AFG2A: variants seen among roughly 807,000 people sequenced by gnomAD.
AFG2A encodes AAA ATPase AFG2A, also known as ATPase family gene 2 protein homolog A.
the AFG2A span, among the ~76,000 whole-genome samples, chr4:123,083,548 A>G: frequency 2.0e-5 from 3 of 150,630 alleles, no homozygotes; most frequent in Non-Finnish European, 4.4e-5. Context: ...TTATAATGGT[A>G]TATAATTATT....
At chr4:123,151,704 T>G in the AFG2A span, among the ~76,000 whole-genome samples, 1 of 152,242 alleles carries the variant, frequency 6.6e-6, no homozygotes, top group South Asian at 2.1e-4. Context: ...GTTCAACCAT[T>G]GTGGAAGACA....
chr4:123,217,587 C>G, the AFG2A span, among the ~76,000 whole-genome samples: 1 of 152,178 alleles, frequency 6.6e-6, no homozygotes, highest in Non-Finnish European at 1.5e-5. Context: ...GTGAATGGTA[C>G]TCTGAAGTAT....
the AFG2A span, among the ~76,000 whole-genome samples, chr4:122,939,623 G>C: frequency 2.0e-5 from 3 of 151,110 alleles, no homozygotes; most frequent in African/African-American, 7.3e-5. Flanking sequence ...TAAAAAGCTG[G>C]TCATTTAGAA....
the AFG2A span, among the ~76,000 whole-genome samples, chr4:123,280,951 A>G: frequency 6.6e-6 from 1 of 152,162 alleles, no homozygotes; most frequent in African/African-American, 2.4e-5. Flanking sequence ...GAAACTGGCA[A>G]ATAAAGATCA....
chr4:122,971,293 G>T, the AFG2A span, among the ~76,000 whole-genome samples: 1 of 152,116 alleles, frequency 6.6e-6, no homozygotes, highest in South Asian at 2.1e-4. Context: ...TGTAGTCCCA[G>T]CTACTTGTGA....
chr4:123,223,195 C>G, the AFG2A span, among the ~76,000 whole-genome samples: 2 of 152,168 alleles, frequency 1.3e-5, no homozygotes, highest in African/African-American at 4.8e-5. Context: ...TCCTCACCAA[C>G]TTTTATTGCC....
At chr4:122,950,594 C>T in the AFG2A span, among the ~76,000 whole-genome samples, 1 of 152,232 alleles carries the variant, frequency 6.6e-6, no homozygotes, top group Non-Finnish European at 1.5e-5. Context: ...CCCGCCTCAG[C>T]CTCCCAAAGT....
At chr4:123,298,802 A>G in the AFG2A span, among the ~76,000 whole-genome samples, 1 of 152,240 alleles carries the variant, frequency 6.6e-6, no homozygotes, top group East Asian at 1.9e-4. Context: ...ACTTAATGTA[A>G]TCTTCCATTG....
chr4:123,308,090 A>G, the AFG2A span, among the ~76,000 whole-genome samples: 5 of 152,192 alleles, frequency 3.3e-5, no homozygotes, highest in Admixed American at 1.3e-4. Context: ...TTCTATGACA[A>G]TACAACAAAG....
the AFG2A span, among the ~76,000 whole-genome samples, chr4:123,010,476 C>G: frequency 6.6e-6 from 1 of 152,024 alleles, no homozygotes; most frequent in African/African-American, 2.4e-5. Flanking sequence ...TTCTTAGAGC[C>G]AGGCCAAGCA....
At chr4:123,202,021 A>G in the AFG2A span, among the ~76,000 whole-genome samples, 3 of 152,364 alleles carry the variant, frequency 2.0e-5, no homozygotes, top group East Asian at 3.9e-4. Flanking sequence ...TGAAAAATGT[A>G]ATAGGACTGC....
the AFG2A span, among the ~76,000 whole-genome samples, chr4:123,087,591 G>C: frequency 3.0e-4 from 46 of 152,276 alleles, no homozygotes; most frequent in African/African-American, 1.1e-3. Context: ...TGGTGTAGTT[G>C]CTGAAGATAA....
chr4:123,144,102 G>A, the AFG2A span, among the ~76,000 whole-genome samples: 1 of 151,778 alleles, frequency 6.6e-6, no homozygotes, highest in Non-Finnish European at 1.5e-5. Flanking sequence ...GGAAAAGGCA[G>A]TAAATGGGTA....
At chr4:123,208,850 T>A in the AFG2A span, among the ~76,000 whole-genome samples, 1 of 152,246 alleles carries the variant, frequency 6.6e-6, no homozygotes, top group Non-Finnish European at 1.5e-5. Context: ...TCTGTTTTCC[T>A]GGCATGCAAC....
chr4:123,135,177 A>G, the AFG2A span, among the ~76,000 whole-genome samples: 2 of 152,156 alleles, frequency 1.3e-5, no homozygotes, highest in African/African-American at 4.8e-5. Flanking sequence ...ATTTCAATAG[A>G]TGCAGAAAAA....
the AFG2A span, chr4:123,317,144 A>G: frequency 0.023 from 3,488 of 151,620 alleles, 70 homozygotes; most frequent in Middle Eastern, 0.058. Context: ...AGAATGGCGT[A>G]AACCCGGGAG....
the AFG2A span, among the ~76,000 whole-genome samples, chr4:122,954,329 C>G: frequency 6.6e-6 from 1 of 152,204 alleles, no homozygotes; most frequent in Admixed American, 6.5e-5. Context: ...CACCTTCTGC[C>G]CAGCTCCACT....
chr4:123,239,892 A>G, the AFG2A span, among the ~76,000 whole-genome samples: 1 of 152,228 alleles, frequency 6.6e-6, no homozygotes, highest in Non-Finnish European at 1.5e-5. Context: ...GGCAAATTGG[A>G]TAGAGTCAAG....
chr4:122,936,693 T>C, the AFG2A span, among the ~76,000 whole-genome samples: 1 of 151,554 alleles, frequency 6.6e-6, no homozygotes, highest in East Asian at 2.0e-4. Context: ...AAAATAAAAA[T>C]AATTGGCTGG....
Sources: allele counts gnomAD v4.1 joint callset (sites outside exome capture counted in the v4.1 genomes callset), GRCh38; gene constraint gnomAD v4.1.1; transcripts MANE v1.5; gene names NCBI Gene and HGNC (gene_info 2026-07-23, HGNC 2026-07-21).